Variants in TRAF3IP2 observed in about 807,000 individuals in gnomAD.
TRAF3IP2 encodes the protein E3 ubiquitin ligase TRAF3IP2.
In TRAF3IP2, 35 loss-of-function variants were observed where a neutral mutation model predicts 57.9. The observed-to-expected ratio is 0.60, with a 90% CI of 0.46 to 0.80. The LOEUF (loss-of-function observed/expected upper bound fraction) is 0.80, where lower values mean the gene tolerates loss of function less well. TRAF3IP2 is among the 30% of genes least tolerant of loss of function. TRAF3IP2 has a pLI of 0.00. For missense variants in TRAF3IP2, 556 were observed against 706.4 expected (o/e 0.79, Z 2.41); for synonymous variants, 251 against 268.9 (o/e 0.93, Z 0.65).
Position 111,591,801 on chromosome 6 carries a change from A to G in TRAF3IP2, c.286T>C (p.Cys96Arg), listed in dbSNP as rs777022629. The G allele has an allele frequency of 1.9e-6, 3 of 1,614,256 alleles. No individual in the cohort carries two copies. Among genetic ancestry groups the G allele is most frequent in the South Asian group, 1.1e-5 (1 of 91,084 alleles). Reference protein sequence around the residue: ...QVLEDSEDSFCRRHPGLGKAF... With the variant: ...QVLEDSEDSFRRRHPGLGKAF... ...TTGCCCAGGCCTGGGTGTCTCCTGC[A>G]GAAACTGTCTTCACTGTCCTCCAGA... Residue 96 changes from cysteine to arginine, a missense_variant, in exon 2 of 9, where the codon TGC becomes CGC. Around this residue, in one of 2 missense-constraint regions of TRAF3IP2, gnomAD observed 428 missense variants for 498.7 expected, o/e 0.86. Coordinates refer to ENST00000368761, the MANE Select transcript of TRAF3IP2 (RefSeq NM_147686.4). This position sits in a 1 kb window ranked among gnomAD's most constrained non-coding sequence, Gnocchi z 4.9.
intron 3 of TRAF3IP2, 128 bp from the exon 4 acceptor site, chr6:111,575,949 G>T: frequency 1.1e-6 from 1 of 872,032 alleles, no homozygotes; most frequent in Non-Finnish European, 1.7e-6. Context: ...TTTCTTAACT[G>T]AGACAGAAGG....
intron 8 of TRAF3IP2, among the ~76,000 whole-genome samples, chr6:111,561,665 C>T (rs1182292854): frequency 1.3e-5 from 2 of 152,096 alleles, no homozygotes; most frequent in African/African-American, 2.4e-5. Flanking sequence ...GAGAAAACTA[C>T]GCAAGGGGAC....
chr6:111,563,318 A>G (rs1391889797), intron 7 of TRAF3IP2, among the ~76,000 whole-genome samples: 1 of 152,190 alleles, frequency 6.6e-6, no homozygotes, highest in Non-Finnish European at 1.5e-5. Context: ...GCAGCTCACA[A>G]AAGCTTGTTG....
At chr6:111,583,377 G>C (rs1293696539) in intron 2 of TRAF3IP2, among the ~76,000 whole-genome samples, 1 of 152,216 alleles carries the variant, frequency 6.6e-6, no homozygotes, top group African/African-American at 2.4e-5. Flanking sequence ...TTAGGAACCA[G>C]GCCACACAGT....
chr6:111,592,100 A>G lies in TRAF3IP2; in HGVS notation c.-8-6T>C. Reference sequence around the variant, plus strand: ...GCTTCGGTTCATTCTAGTTTCTGGAACAAGAGAAAACATGCTATAGCCTTA... The same window carrying G: ...GCTTCGGTTCATTCTAGTTTCTGGAGCAAGAGAAAACATGCTATAGCCTTA... On this transcript the variant is annotated splice_region_variant and splice_polypyrimidine_tract_variant and intron_variant, in intron 1 of 8. Transcript: ENST00000368761. 6.2e-7 allele frequency: 1 copy of G among 1,607,146 alleles called. No individual in the cohort carries two copies. The highest frequency in any genetic ancestry group is 8.5e-7 in the Non-Finnish European group (1 of 1,175,056).
chr6:111,556,513 T>TA lies in TRAF3IP2; in HGVS notation c.*2891dup, dbSNP rs1257268433. On this transcript the variant is annotated 3_prime_UTR_variant, in exon 9 of 9. Coordinates refer to ENST00000368761, the MANE Select transcript of TRAF3IP2 (RefSeq NM_147686.4). Reference sequence around the variant, plus strand: ...CCTTAATGATGGTGTCACCTCAGACTAAAAAAGATAATGAAAAAAGAGAAA... The same window carrying TA: ...CCTTAATGATGGTGTCACCTCAGACTAAAAAAAGATAATGAAAAAAGAGAAA... 1 of 152,304 alleles carries TA rather than the reference T, an allele frequency of 6.6e-6. No individual in the cohort carries two copies. Among genetic ancestry groups the TA allele is most frequent in the African/African-American group, 2.4e-5 (1 of 41,558 alleles). 9.4% of individuals were successfully genotyped at this position (152,304 alleles called of 1,614,324 possible). A position where few individuals can be genotyped will look rare whatever the true frequency, so the allele number is the denominator to read the frequency against.
intron 1 of TRAF3IP2, among the ~76,000 whole-genome samples, chr6:111,605,513 T>A (rs1176098178): frequency 6.6e-6 from 1 of 152,258 alleles, no homozygotes; most frequent in African/African-American, 2.4e-5. Flanking sequence ...TGTCCCCGTG[T>A]GCGAGCCTCC....
In TRAF3IP2 at chr6:111,592,030, C is replaced by T; in HGVS notation, c.57G>A (p.Leu19=). The change falls in exon 2 of 9, where the codon TTG becomes TTA. Residue 19 remains leucine (L), a synonymous_variant. Coordinates refer to ENST00000368761, the MANE Select transcript of TRAF3IP2 (RefSeq NM_147686.4). Reference sequence around the variant, plus strand: ...GGGAATATTCTGGGATTGGTTTCAGCAACTGACTTGGGTATGGTTCTGATT... The same window carrying T: ...GGGAATATTCTGGGATTGGTTTCAGTAACTGACTTGGGTATGGTTCTGATT... ...VDESEPYPSQ[L]LKPIPEYSPE... The T allele has an allele frequency of 1.2e-6, 2 of 1,614,218 alleles. No homozygotes were observed. The highest frequency in any genetic ancestry group is 1.7e-6 in the Non-Finnish European group (2 of 1,180,022).
At chr6:111,578,208 C>G (rs1229552042) in intron 3 of TRAF3IP2, among the ~76,000 whole-genome samples, 2 of 152,184 alleles carry the variant, frequency 1.3e-5, no homozygotes, top group African/African-American at 2.4e-5. Context: ...CAACACAAAA[C>G]TTATTTCATA....
At chr6:111,578,326 C>T (rs1200387921) in intron 3 of TRAF3IP2, among the ~76,000 whole-genome samples, 1 of 152,008 alleles carries the variant, frequency 6.6e-6, no homozygotes, top group Non-Finnish European at 1.5e-5. Context: ...GTTTAAACTC[C>T]ATGTATTTAT....
At chr6:111,601,208 G>A (rs1008612676) in intron 1 of TRAF3IP2, 1 of 779,342 alleles carries the variant, frequency 1.3e-6, no homozygotes, top group Non-Finnish European at 2.4e-6. Context: ...TGAAGCTGAG[G>A]AGGCATGGAA....
chr6:111,605,292 TC>T (rs1433535243), intron 1 of TRAF3IP2, among the ~76,000 whole-genome samples: 1 of 152,196 alleles, frequency 6.6e-6, no homozygotes, highest in Admixed American at 6.5e-5. Flanking sequence ...CAGCAGAACT[TC>T]CTGGCCCAAA....
In TRAF3IP2 at chr6:111,591,533, C is replaced by A; in HGVS notation, c.554G>T (p.Arg185Met). The A allele has an allele frequency of 6.2e-7, 1 of 1,614,174 alleles. No homozygotes were observed. The highest frequency in any genetic ancestry group is 8.5e-7 in the Non-Finnish European group (1 of 1,180,010). ...TGGCAGATCCAGGCCTGCTCGGTTC[C>A]TGTGAGGCTGGGGCCGTTGCACCAT... ...QEMVQRPQPH[R>M]NRAGLDLPTI... The change falls in exon 2 of 9, where the codon AGG (arginine) becomes ATG (methionine). Residue 185 changes from arginine to methionine, a missense_variant. Arg to Met is a moderately conservative substitution (Grantham distance 91, BLOSUM62 -1). Coordinates refer to ENST00000368761, the MANE Select transcript of TRAF3IP2 (RefSeq NM_147686.4). The surrounding 1 kb of genome is among the most constrained non-coding windows in gnomAD (Gnocchi z 4.9).
intron 5 of TRAF3IP2, among the ~76,000 whole-genome samples, chr6:111,571,064 G>A (rs1168800831): frequency 6.7e-6 from 1 of 148,330 alleles, no homozygotes; most frequent in East Asian, 2.0e-4. Flanking sequence ...ACACCACCAT[G>A]CCAACTTTTT....
At position 111,557,104 on chromosome 6, in the gene TRAF3IP2, G is replaced by C. The variant is rs1554262010; in HGVS notation, c.*2301C>G. On this transcript the variant is annotated 3_prime_UTR_variant, in exon 9 of 9. Coordinates refer to ENST00000368761, the MANE Select transcript of TRAF3IP2 (RefSeq NM_147686.4). Reference sequence around the variant, plus strand: ...GACTGTGTCACTGTACTGCAGCCTGGGAAAGAGTGAGACCCTGTCTCAAAA... The same window carrying C: ...GACTGTGTCACTGTACTGCAGCCTGCGAAAGAGTGAGACCCTGTCTCAAAA... 1.3e-5 allele frequency: 2 copies of C among 152,142 alleles called. No individual in the cohort carries two copies. Among genetic ancestry groups the C allele is most frequent in the Non-Finnish European group, 1.5e-5 (1 of 68,188 alleles). 9.4% of individuals were successfully genotyped at this position (152,142 alleles called of 1,614,324 possible). A position where few individuals can be genotyped will look rare whatever the true frequency, so the allele number is the denominator to read the frequency against.
In TRAF3IP2 at chr6:111,591,125, C is replaced by T; in HGVS notation, c.829+133G>A. The T allele has an allele frequency of 1.6e-6, 1 of 631,580 alleles. No individual in the cohort carries two copies. Among genetic ancestry groups the T allele is most frequent in the Non-Finnish European group, 2.5e-6 (1 of 399,774 alleles). The allele number at this position is 631,580 out of a possible 1,614,324, so 39.1% of individuals were successfully genotyped here. ...AAATCCAGCCACACATGGAAAGCCC[C>T]TAAGAGAAGCAGAATGCCCTCCCTG... On this transcript the variant is annotated intron_variant, in intron 2 of 8. Transcript: ENST00000368761. The surrounding 1 kb of genome is among the most constrained non-coding windows in gnomAD (Gnocchi z 4.9).
At chr6:111,585,428 T>A (rs533090375) in intron 2 of TRAF3IP2, among the ~76,000 whole-genome samples, 3 of 152,314 alleles carry the variant, frequency 2.0e-5, no homozygotes, top group African/African-American at 7.2e-5. Flanking sequence ...AGAGAACAGA[T>A]TTCTTTTTAT....
chr6:111,603,350 G>C (rs1393295206), intron 1 of TRAF3IP2, among the ~76,000 whole-genome samples: 1 of 152,184 alleles, frequency 6.6e-6, no homozygotes, highest in East Asian at 1.9e-4. Context: ...CCTTCAGACT[G>C]CAGGATTGTT....
rs146668280 is a variant in TRAF3IP2, at chr6:111,556,213, C to CGT, written c.*3190_*3191dup. Among the ~76,000 whole-genome samples the CGT allele has an allele frequency of 1.8e-3, 268 of 149,638 alleles. 2 individuals are homozygous for CGT. The highest frequency in any genetic ancestry group is 0.01 in the Middle Eastern group (3 of 286). On this transcript the variant is annotated 3_prime_UTR_variant, in exon 9 of 9. Coordinates refer to ENST00000368761, the MANE Select transcript of TRAF3IP2 (RefSeq NM_147686.4). ...AAGTGCGTGTGTGTGTGTATGTGTG[C>CGT]GTGTGTGTGTGTGTGTCTGTGTGTA...
Sources: allele counts gnomAD v4.1 joint callset (sites outside exome capture counted in the v4.1 genomes callset), GRCh38; gene constraint gnomAD v4.1.1; regional missense constraint gnomAD v4.1.1; non-coding constraint Gnocchi (gnomAD v3.1); transcripts MANE v1.5; gene names NCBI Gene and HGNC (gene_info 2026-07-23, HGNC 2026-07-21).